The following RASGEF1B variants were observed in gnomAD, a reference collection of about 807,000 sequenced individuals.
RASGEF1B encodes RasGEF domain family member 1B, also known as ras-GEF domain-containing family member 1B.
RASGEF1B carries 30 observed loss-of-function variants against 65.7 expected under a neutral mutation model. The ratio of observed to expected loss-of-function variants is 0.46; its 90% confidence interval spans 0.34 to 0.62. RASGEF1B has a LOEUF of 0.62. Among genes scored for constraint, RASGEF1B ranks in the 20% least tolerant of loss-of-function variants. The probability of loss-of-function intolerance (pLI) is 0.01; values close to 1 mark genes in which losing one functional copy is unlikely to be tolerated. For synonymous variants in RASGEF1B, 175 were observed against 194.8 expected (o/e 0.90, Z 0.85); for missense variants, 495 against 580.1 (o/e 0.85, Z 1.51).
chr4:81,428,188 T>C (rs959084775), intron 13 of RASGEF1B, among the ~76,000 whole-genome samples: 3 of 152,172 alleles, frequency 2.0e-5, no homozygotes, highest in Admixed American at 6.5e-5. Context: ...GTTTAAACAA[T>C]AGTTGACAAT....
In RASGEF1B at chr4:81,426,439, C is replaced by T. The variant is rs11935172; in HGVS notation, c.*1329G>A. 3.9e-5 allele frequency: 6 copies of T among 152,236 alleles called. No homozygotes were observed. Among genetic ancestry groups the T allele is most frequent in the Middle Eastern group, 3.4e-3 (1 of 294 alleles). 9.4% of individuals were successfully genotyped at this position (152,236 alleles called of 1,614,324 possible). ...TATATTGATGGCTGTAAAGGGACAA[C>T]TTGGGGATATTTTAGGTCTGCTGAG... On this transcript the variant is annotated 3_prime_UTR_variant, in exon 14 of 14. Coordinates refer to ENST00000264400, the MANE Select transcript of RASGEF1B (RefSeq NM_152545.3).
intron 10 of RASGEF1B, among the ~76,000 whole-genome samples, chr4:81,436,969 C>T (rs1721650589): frequency 6.6e-6 from 1 of 152,184 alleles, no homozygotes; most frequent in Non-Finnish European, 1.5e-5. Flanking sequence ...TAGTAAAGAT[C>T]TCATTACCTT....
chr4:81,440,803 C>T (rs750655534), intron 10 of RASGEF1B, 31 bp downstream of exon 10: 1 of 1,424,304 alleles, frequency 7.0e-7, no homozygotes, highest in Non-Finnish European at 9.8e-7. Flanking sequence ...AGCAACTCTA[C>T]CATAAGAAAG....
At chr4:81,463,881 T>C (rs1352169682) in intron 1 of RASGEF1B, among the ~76,000 whole-genome samples, 2 of 152,226 alleles carry the variant, frequency 1.3e-5, no homozygotes, top group African/African-American at 4.8e-5. Flanking sequence ...ATTGGTTTAG[T>C]TCTTGTTAAG....
chr4:81,430,162 G>C (rs905290979), intron 13 of RASGEF1B, among the ~76,000 whole-genome samples: 2 of 152,144 alleles, frequency 1.3e-5, no homozygotes, highest in Non-Finnish European at 2.9e-5. Context: ...TTAGCCGGGC[G>C]TGGTGGCGGG....
intron 10 of RASGEF1B, among the ~76,000 whole-genome samples, chr4:81,438,618 T>TGC (rs1721727027): frequency 6.6e-6 from 1 of 152,220 alleles, no homozygotes; most frequent in Non-Finnish European, 1.5e-5. Context: ...GTTTCTTACA[T>TGC]AGGTATACAT....
At chr4:81,466,937 TAAAAAAAAAAAAA>T (rs760715662) in intron 1 of RASGEF1B, among the ~76,000 whole-genome samples, 8 of 94,726 alleles carry the variant, frequency 8.4e-5, no homozygotes, top group African/African-American at 3.4e-4. Flanking sequence ...CTTACCTCCT[TAAAAAAAAAAAAA>T]AAAAAGAAAA....
intron 13 of RASGEF1B, 85 bp from the exon 14 acceptor site, chr4:81,427,877 T>A: frequency 7.6e-7 from 1 of 1,311,244 alleles, no homozygotes; most frequent in Non-Finnish European, 1.1e-6. Flanking sequence ...AATACTAATT[T>A]TATCTTTCCT....
At chr4:81,438,056 A>G (rs1467347018) in intron 10 of RASGEF1B, among the ~76,000 whole-genome samples, 1 of 152,184 alleles carries the variant, frequency 6.6e-6, no homozygotes. Context: ...ACTGCACCAT[A>G]AGGGTTTTGC....
intron 11 of RASGEF1B, among the ~76,000 whole-genome samples, chr4:81,434,242 A>C (rs1449105001): frequency 6.6e-6 from 1 of 152,090 alleles, no homozygotes; most frequent in African/African-American, 2.4e-5. Context: ...TTGCAGAGAC[A>C]GGGTCTCACT....
In RASGEF1B at chr4:81,427,713, C is replaced by G; in HGVS notation, c.*55G>C. Reference sequence around the variant, plus strand: ...CGAGATGCCAGAAAACAAAGGCCAGCCCCTCCATGATCTGCAGGAAGCAGC... The same window carrying G: ...CGAGATGCCAGAAAACAAAGGCCAGGCCCTCCATGATCTGCAGGAAGCAGC... On this transcript the variant is annotated 3_prime_UTR_variant, in exon 14 of 14. Transcript: ENST00000264400. 1 of 1,608,334 alleles carries G rather than the reference C, an allele frequency of 6.2e-7. No homozygotes were observed. The highest frequency in any genetic ancestry group is 1.3e-5 in the African/African-American group (1 of 74,858).
intron 9 of RASGEF1B, among the ~76,000 whole-genome samples, chr4:81,441,866 T>C (rs1308946121): frequency 1.3e-5 from 2 of 152,116 alleles, no homozygotes; most frequent in Non-Finnish European, 2.9e-5. Flanking sequence ...ATCCTCAGAA[T>C]TGTATGGGAA....
chr4:81,442,322 T>G lies in RASGEF1B; in HGVS notation c.983A>C (p.Lys328Thr). Residue 328 changes from lysine to threonine, a missense_variant, in exon 9 of 14, where the codon AAG (lysine) becomes ACG (threonine). Transcript: ENST00000264400. Reference protein sequence around the residue: ...SRLKKTWAKVKTAKFDILEHQ... With the variant: ...SRLKKTWAKVTTAKFDILEHQ... ...CTCAAGAATGTCAAATTTTGCAGTC[T>G]TCACTTTGGCCCAAGTTTTTTTTAG... 6.2e-7 allele frequency: 1 copy of G among 1,613,230 alleles called. No individual in the cohort carries two copies.
At chr4:81,435,341 G>A (rs1170223370) in intron 10 of RASGEF1B, among the ~76,000 whole-genome samples, 2 of 146,000 alleles carry the variant, frequency 1.4e-5, no homozygotes, top group Non-Finnish European at 3.0e-5. Context: ...AACCCGGGAA[G>A]CGGAGCTTGC....
chr4:81,442,804 T>A (rs570315540), intron 8 of RASGEF1B, among the ~76,000 whole-genome samples: 3 of 152,360 alleles, frequency 2.0e-5, no homozygotes, highest in Non-Finnish European at 4.4e-5. Flanking sequence ...ATGTTAGAAA[T>A]GTTAGTATTA....
chr4:81,426,836 C>T lies in RASGEF1B; in HGVS notation c.*932G>A, dbSNP rs573453727. On this transcript the variant is annotated 3_prime_UTR_variant, in exon 14 of 14. Coordinates refer to ENST00000264400, the MANE Select transcript of RASGEF1B (RefSeq NM_152545.3). ...ATTAAAAAGAAAATTGTAATTATGC[C>T]ATGGGTTTTCCCAAGATCCTTAAAG... The T allele has an allele frequency of 6.6e-6, 1 of 152,024 alleles. No individual in the cohort carries two copies. The highest frequency in any genetic ancestry group is 2.1e-4 in the South Asian group (1 of 4,804). 9.4% of individuals were successfully genotyped at this position (152,024 alleles called of 1,614,324 possible).
intron 6 of RASGEF1B, 95 bp from the exon 7 acceptor site, chr4:81,445,933 T>C: frequency 1.2e-6 from 1 of 857,332 alleles, no homozygotes. Context: ...TCTCAGTTTA[T>C]GGATTAGGAA....
Position 81,445,534 on chromosome 4 carries a change from G to A in RASGEF1B, c.920C>T (p.Ala307Val), listed in dbSNP as rs770132117. 3 of 1,598,780 alleles carry A rather than the reference G, an allele frequency of 1.9e-6. No homozygotes were observed. The highest frequency in any genetic ancestry group is 2.6e-6 in the Non-Finnish European group (3 of 1,166,414). ...FNIGNFNSLM[A>V]IISGMNMSPV... The stretch of plus-strand genomic sequence containing the variant: ...CTCCACAAAATACTCACAGATTATC[G>A]CCATCAAGGAGTTGAAGTTGCCAAT... The change falls in exon 8 of 14, where the codon GCG (alanine) becomes GTG (valine). Residue 307 changes from alanine to valine, a missense_variant. Transcript: ENST00000264400.
chr4:81,454,346 T>C (rs899837602), intron 4 of RASGEF1B: 3 of 152,216 alleles, frequency 2.0e-5, no homozygotes, highest in Admixed American at 6.5e-5. Flanking sequence ...GTGTTTCTTT[T>C]GGAAAGAACT....
Sources: gnomAD v4.1 joint callset for allele counts (sites outside exome capture counted in the v4.1 genomes callset) on GRCh38, gnomAD v4.1.1 for gene constraint, MANE v1.5 for transcripts, NCBI Gene and HGNC (gene_info 2026-07-23, HGNC 2026-07-21) for gene names.